STX18: variants seen among roughly 807,000 people sequenced by gnomAD.
STX18 encodes syntaxin 18.
Under a neutral mutation model 50.1 loss-of-function variants are expected in STX18, and 40 were observed. The ratio of observed to expected loss-of-function variants is 0.80; its 90% CI spans 0.62 to 1.04. The LOEUF (loss-of-function observed/expected upper bound fraction) is 1.04. STX18 is among the 50% of genes least tolerant of loss of function. The pLI is 0.00. For synonymous variants in STX18, 158 were observed against 151.8 expected, an observed-to-expected ratio of 1.04 and a Z score of -0.30; for missense variants, 410 against 415.8, an observed-to-expected ratio of 0.99 and a Z score of 0.12.
chr4:4,518,066 C>T (rs1730361619), intron 1 of STX18, among the ~76,000 whole-genome samples: 1 of 152,202 alleles, frequency 6.6e-6, no homozygotes, highest in African/African-American at 2.4e-5. Context: ...AGCCACCACA[C>T]CCGGCCTATA....
At chr4:4,515,230 G>T (rs1218922626) in intron 1 of STX18, among the ~76,000 whole-genome samples, 2 of 151,934 alleles carry the variant, frequency 1.3e-5, no homozygotes, top group Admixed American at 6.6e-5. Flanking sequence ...AAAAATTCAT[G>T]GTCTAATATG....
At chr4:4,434,698 G>T in intron 7 of STX18, 72 bp downstream of exon 7, 1 of 1,240,814 alleles carries the variant, frequency 8.1e-7, no homozygotes, top group South Asian at 1.4e-5. Flanking sequence ...CATTGAGGAT[G>T]AGTTTCTCCT....
rs540389530 is a variant in STX18, at chr4:4,441,709, TAAAA to T, written c.498-3204_498-3201del. ...ATTTATAAATGTAATGTGATCCCAATAAAAAAACATCACCAGGTCCCATCCTGAA... is the reference window on the plus strand; with the variant it reads ...ATTTATAAATGTAATGTGATCCCAATAAACATCACCAGGTCCCATCCTGAA... On this transcript the variant is annotated intron_variant, in intron 5 of 10. Coordinates refer to ENST00000306200, the MANE Select transcript of STX18 (RefSeq NM_016930.4). Among the ~76,000 whole-genome samples, 453 of 152,146 alleles carry T rather than the reference TAAAA, an allele frequency of 3.0e-3. 3 individuals carry two copies. The highest frequency in any genetic ancestry group is 0.01 in the African/African-American group (422 of 41,506).
At chr4:4,511,807 A>G (rs1025547854) in intron 1 of STX18, among the ~76,000 whole-genome samples, 1 of 150,550 alleles carries the variant, frequency 6.6e-6, no homozygotes, top group African/African-American at 2.4e-5. Flanking sequence ...AATTCTAGCT[A>G]GCTTTCCAAA....
chr4:4,431,243 C>A (rs779174048), intron 7 of STX18, among the ~76,000 whole-genome samples: 2 of 152,112 alleles, frequency 1.3e-5, no homozygotes, highest in Non-Finnish European at 2.9e-5. Context: ...CAAACGTATT[C>A]TTTCTTAATG....
At chr4:4,535,047 C>T (rs1220506243) in intron 1 of STX18, among the ~76,000 whole-genome samples, 2 of 152,254 alleles carry the variant, frequency 1.3e-5, no homozygotes, top group Non-Finnish European at 2.9e-5. Flanking sequence ...AACTGCCCTA[C>T]TGTTGTGTGC....
rs747322825 is a variant in STX18 at position 4,457,482 on chromosome 4, G to T, written c.371C>A (p.Ser124Tyr). The change falls in exon 4 of 11, where the codon TCC (serine) becomes TAC (tyrosine). Residue 124 changes from serine (S) to tyrosine (Y), a missense_variant. Transcript: ENST00000306200. ...LRTEAHKEIH[S>Y]QQVKEHRTAV... ...GGTCCTGTGCTCCTTCACTTGCTGG[G>T]AATGTATCTCCTTGTGAGCTGTAAC... 1.6e-5 allele frequency: 26 copies of T among 1,613,878 alleles called. No homozygotes were observed. In the African/African-American group the frequency reaches 3.1e-4, roughly 19 times the overall value.
chr4:4,487,504 T>C (rs1042745767), intron 1 of STX18, among the ~76,000 whole-genome samples: 1 of 152,162 alleles, frequency 6.6e-6, no homozygotes, highest in Non-Finnish European at 1.5e-5. Flanking sequence ...ACCTGGCAAG[T>C]TGAAAAGCCA....
At chr4:4,428,559 T>C (rs530638742) in intron 7 of STX18, among the ~76,000 whole-genome samples, 2 of 152,118 alleles carry the variant, frequency 1.3e-5, no homozygotes, top group East Asian at 1.9e-4. Flanking sequence ...TTTAATCTCT[T>C]GGGTGTCAGT....
At chr4:4,457,398 T>G in intron 4 of STX18, 25 bp downstream of exon 4, 1 of 1,603,428 alleles carries the variant, frequency 6.2e-7, no homozygotes, top group Non-Finnish European at 8.5e-7. Context: ...ATGTTACATT[T>G]GACCTTTAAA....
chr4:4,489,391 ATTTTTTTTTTTT>A lies in STX18; in HGVS notation c.169-17697_169-17686del, dbSNP rs34563523. 8.3e-3 allele frequency among the ~76,000 whole-genome samples: 429 copies of A among 51,644 alleles called. 18 individuals carry two copies. The East Asian group carries it at 0.16, about 19-fold the overall frequency. The allele number at this position is 51,644 out of a possible 152,430, so 33.9% of individuals were successfully genotyped here. ...AGCACTTCAATACACATGCAAAATA[ATTTTTTTTTTTT>A]TTTTTTTTTTTTTTTTTTTTTTTTT... On this transcript the variant is annotated intron_variant, in intron 1 of 10. Coordinates refer to ENST00000306200, the MANE Select transcript of STX18 (RefSeq NM_016930.4).
intron 5 of STX18, among the ~76,000 whole-genome samples, chr4:4,450,154 G>A (rs1362961253): frequency 2.6e-5 from 4 of 152,080 alleles, no homozygotes; most frequent in Non-Finnish European, 5.9e-5. Flanking sequence ...TTTCATACAC[G>A]CGTATAAATG....
intron 3 of STX18, among the ~76,000 whole-genome samples, chr4:4,459,119 G>A (rs1437104563): frequency 6.7e-6 from 1 of 150,350 alleles, no homozygotes; most frequent in African/African-American, 2.5e-5. Flanking sequence ...CTGGCCCCTA[G>A]ATATATTTTT....
intron 1 of STX18, among the ~76,000 whole-genome samples, chr4:4,501,383 T>A (rs1560196414): frequency 6.6e-6 from 1 of 152,164 alleles, no homozygotes; most frequent in Non-Finnish European, 1.5e-5. Context: ...GCCACCTCTC[T>A]CTCACTGTCG....
rs568885612 is a variant in STX18 at position 4,509,283 on chromosome 4, G to A, written c.168+32514C>T. ...CTGGCATGAGATGGTATCTCATTGTGGTTTTGATTTGCATTTCTCTAATGA... is the reference window on the plus strand; with the variant it reads ...CTGGCATGAGATGGTATCTCATTGTAGTTTTGATTTGCATTTCTCTAATGA... On this transcript the variant is annotated intron_variant, in intron 1 of 10. Transcript: ENST00000306200. 1.8e-3 allele frequency among the ~76,000 whole-genome samples: 274 copies of A among 152,058 alleles called. 9 individuals are homozygous for A. In the South Asian group the frequency reaches 0.056, roughly 31 times the overall value.
intron 1 of STX18, among the ~76,000 whole-genome samples, chr4:4,500,784 C>A (rs897068799): frequency 1.3e-5 from 2 of 152,090 alleles, no homozygotes; most frequent in African/African-American, 4.8e-5. Context: ...ACCTGTAATC[C>A]CAGCACTTTG....
chr4:4,529,713 T>C (rs1731003460), intron 1 of STX18, among the ~76,000 whole-genome samples: 1 of 152,084 alleles, frequency 6.6e-6, no homozygotes, highest in African/African-American at 2.4e-5. Context: ...TCTTGGGAGA[T>C]AGCTTACCCT....
At chr4:4,508,642 G>T (rs903170284) in intron 1 of STX18, among the ~76,000 whole-genome samples, 2 of 152,110 alleles carry the variant, frequency 1.3e-5, no homozygotes, top group Non-Finnish European at 2.9e-5. Flanking sequence ...TTGCTGCACA[G>T]ATCATCCCAT....
chr4:4,423,705 A>G lies in STX18; in HGVS notation c.762-118T>C, dbSNP rs1577307934. On this transcript the variant is annotated intron_variant, in intron 8 of 10. Transcript: ENST00000306200. ...TGAAGGTGGGAGAGACAGGGGGCAC[A>G]CTGTGTCGGCTGGGGGAAGAGGAGA... The G allele has an allele frequency of 4.1e-6, 4 of 980,740 alleles. No homozygotes were observed. In the East Asian group the frequency reaches 7.6e-5, roughly 19 times the overall value. 60.8% of individuals were successfully genotyped at this position (980,740 alleles called of 1,614,324 possible). A position where few individuals can be genotyped will look rare whatever the true frequency, so the allele number is the denominator to read the frequency against.
Sources: gnomAD v4.1 joint callset for allele counts (sites outside exome capture counted in the v4.1 genomes callset) on GRCh38, gnomAD v4.1.1 for gene constraint, MANE v1.5 for transcripts, NCBI Gene and HGNC (gene_info 2026-07-23, HGNC 2026-07-21) for gene names.